SHISA9: variants seen among roughly 807,000 people sequenced by gnomAD.
SHISA9 encodes the protein protein shisa-9.
Under a neutral mutation model 38.0 loss-of-function variants are expected in SHISA9, and 13 were observed. That is an observed-to-expected ratio of 0.34 (90% CI 0.22 to 0.54). The LOEUF (loss-of-function observed/expected upper bound fraction) is 0.54. Ranked by LOEUF, SHISA9 falls within the 20% of genes least tolerant of loss-of-function variation. The pLI, the probability that SHISA9 is intolerant of heterozygous loss-of-function variation, is 0.91. For missense variants in SHISA9, 538 were observed against 575.8 expected (o/e 0.93, Z 0.67); for synonymous variants, 275 against 242.0 (o/e 1.14, Z -1.27).
intron 2 of SHISA9, among the ~76,000 whole-genome samples, chr16:13,031,462 A>C (rs557885092): frequency 6.6e-6 from 1 of 152,334 alleles, no homozygotes; most frequent in East Asian, 1.9e-4. Context: ...ACCAACCAGT[A>C]ACTGTGCAAA....
chr16:13,379,081 AG>A, the SHISA9 span, among the ~76,000 whole-genome samples: 22 of 149,704 alleles, frequency 1.5e-4, no homozygotes, highest in African/African-American at 5.4e-4. Context: ...CCTACCCTCT[AG>A]GGACTCAAGA....
chr16:13,041,134 A>G (rs1482174435), intron 2 of SHISA9, among the ~76,000 whole-genome samples: 1 of 152,214 alleles, frequency 6.6e-6, no homozygotes, highest in East Asian at 1.9e-4. Context: ...GCCTCCCAAC[A>G]TCTCAGAGCT....
chr16:13,258,981 C>A, the SHISA9 span, among the ~76,000 whole-genome samples: 3 of 152,138 alleles, frequency 2.0e-5, no homozygotes, highest in African/African-American at 2.4e-5. Flanking sequence ...AGTTCCCCAA[C>A]GTCTTAATTC....
chr16:13,468,632 A>G, the SHISA9 span, among the ~76,000 whole-genome samples: 1 of 152,172 alleles, frequency 6.6e-6, no homozygotes, highest in African/African-American at 2.4e-5. Context: ...GCACCAAGTA[A>G]TAAGAGAACT....
chr16:13,070,186 G>C (rs2073496302), intron 2 of SHISA9, among the ~76,000 whole-genome samples: 1 of 151,568 alleles, frequency 6.6e-6, no homozygotes, highest in Non-Finnish European at 1.5e-5. Context: ...TGCCAAAGAA[G>C]ACATGGAATT....
the SHISA9 span, among the ~76,000 whole-genome samples, chr16:13,489,135 C>T: frequency 2.6e-5 from 4 of 152,124 alleles, no homozygotes; most frequent in East Asian, 1.9e-4. Context: ...CAACCTCCAC[C>T]TCCTGGGTTC....
chr16:12,988,925 C>T (rs2141830383), intron 2 of SHISA9, among the ~76,000 whole-genome samples: 1 of 152,236 alleles, frequency 6.6e-6, no homozygotes, highest in East Asian at 1.9e-4. Context: ...TACAACCTGC[C>T]AACACCTTGC....
At chr16:13,353,787 A>G in the SHISA9 span, among the ~76,000 whole-genome samples, 1 of 152,150 alleles carries the variant, frequency 6.6e-6, no homozygotes, top group Non-Finnish European at 1.5e-5. Context: ...TTTTTAAAAG[A>G]CCTTTAGTCC....
the SHISA9 span, among the ~76,000 whole-genome samples, chr16:13,473,176 T>C: frequency 6.6e-6 from 1 of 152,206 alleles, no homozygotes; most frequent in African/African-American, 2.4e-5. Flanking sequence ...CAGATTTTGC[T>C]TTTAATATTT....
chr16:13,456,976 A>G, the SHISA9 span, among the ~76,000 whole-genome samples: 4 of 152,234 alleles, frequency 2.6e-5, no homozygotes, highest in African/African-American at 9.6e-5. Context: ...GGCTAATGTT[A>G]ATCTGTATTC....
rs1180851598 is a variant in SHISA9 at position 13,146,543 on chromosome 16, G to T, written c.692-56851G>T. ...CAGACAACTCAATTGTACTCTTTTT[G>T]TTATTTGAAAATGTATGATCAATTA... On this transcript the variant is annotated intron_variant, in intron 2 of 4. Coordinates refer to ENST00000558583, the MANE Select transcript of SHISA9 (RefSeq NM_001145204.3). Among the ~76,000 whole-genome samples, 3 of 152,134 alleles carry T rather than the reference G, an allele frequency of 2.0e-5. No homozygotes were observed. The East Asian group carries it at 5.8e-4, about 29-fold the overall frequency.
the SHISA9 span, among the ~76,000 whole-genome samples, chr16:13,436,037 A>G: frequency 6.6e-6 from 1 of 152,186 alleles, no homozygotes; most frequent in Non-Finnish European, 1.5e-5. Context: ...AGGGTCAGCT[A>G]TCTGAACTGG....
At chr16:13,353,047 A>G in the SHISA9 span, among the ~76,000 whole-genome samples, 2,964 of 152,216 alleles carry the variant, frequency 0.019, 41 homozygotes, top group Middle Eastern at 0.037. Context: ...AAAATAAAAC[A>G]AAATAGTGTT....
At chr16:13,518,043 T>C in the SHISA9 span, among the ~76,000 whole-genome samples, 1 of 152,172 alleles carries the variant, frequency 6.6e-6, no homozygotes, top group East Asian at 1.9e-4. Context: ...GTCTGGTGAA[T>C]TGCGCTCTGT....
intron 2 of SHISA9, among the ~76,000 whole-genome samples, chr16:12,981,173 A>G (rs2072235191): frequency 6.6e-6 from 1 of 152,256 alleles, no homozygotes; most frequent in Non-Finnish European, 1.5e-5. Flanking sequence ...CAGAGCCCCA[A>G]GTCAGCCCCA....
At chr16:12,999,469 G>A (rs957050090) in intron 2 of SHISA9, among the ~76,000 whole-genome samples, 2 of 152,200 alleles carry the variant, frequency 1.3e-5, no homozygotes, top group Admixed American at 6.5e-5. Context: ...ATACATTTTA[G>A]TGAGTAGGTG....
chr16:13,395,429 G>A, the SHISA9 span, among the ~76,000 whole-genome samples: 1 of 152,194 alleles, frequency 6.6e-6, no homozygotes, highest in Non-Finnish European at 1.5e-5. Flanking sequence ...TCTGCTCAAG[G>A]TCTCATATGG....
At chr16:13,305,592 A>C in the SHISA9 span, among the ~76,000 whole-genome samples, 1 of 152,168 alleles carries the variant, frequency 6.6e-6, no homozygotes, top group Non-Finnish European at 1.5e-5. Context: ...TCCATGTGGT[A>C]AGGAACTGAT....
chr16:13,439,590 T>G, the SHISA9 span, among the ~76,000 whole-genome samples: 1 of 152,302 alleles, frequency 6.6e-6, no homozygotes, highest in African/African-American at 2.4e-5. Context: ...GTCTTTCAGA[T>G]GTAATGGCTT....
Sources: allele counts gnomAD v4.1 joint callset (sites outside exome capture counted in the v4.1 genomes callset), GRCh38; gene constraint gnomAD v4.1.1; transcripts MANE v1.5; gene names NCBI Gene and HGNC (gene_info 2026-07-23, HGNC 2026-07-21).